The following ZC3H12B variants were observed in gnomAD, a reference collection of about 807,000 sequenced individuals.
ZC3H12B encodes zinc finger CCCH-type containing 12B, also known as probable ribonuclease ZC3H12B.
Under a neutral mutation model 43.9 loss-of-function variants are expected in ZC3H12B, and 7 were observed. The observed-to-expected ratio is 0.16, with a 90% CI of 0.09 to 0.30. ZC3H12B has a LOEUF of 0.30. ZC3H12B is among the 10% of genes least tolerant of loss of function. ZC3H12B has a pLI of 1.00. For synonymous variants in ZC3H12B, 222 were observed against 241.7 expected (o/e 0.92, Z 0.76); for missense variants, 475 against 670.2 (o/e 0.71, Z 3.22).
chrX:65,195,852 T>A, the ZC3H12B span, among the ~76,000 whole-genome samples: 36 of 112,597 alleles, frequency 3.2e-4, no homozygotes, highest in Non-Finnish European at 5.6e-4. Context: ...AGAAGTTTAT[T>A]GCCCCCAAAT....
chrX:65,219,809 TACACAC>T, the ZC3H12B span, among the ~76,000 whole-genome samples: 196 of 76,697 alleles, frequency 2.6e-3, no homozygotes, highest in Middle Eastern at 8.2e-3. Flanking sequence ...TACACACACA[TACACAC>T]ACACACACAC....
chrX:65,073,114 G>A, the ZC3H12B span, among the ~76,000 whole-genome samples: 315 of 112,412 alleles, frequency 2.8e-3, 3 homozygotes, highest in Middle Eastern at 0.014. Context: ...GATTCTGACT[G>A]CAATGGTATG....
chrX:65,154,416 T>C, the ZC3H12B span, among the ~76,000 whole-genome samples: 1 of 111,832 alleles, frequency 8.9e-6, no homozygotes, highest in Non-Finnish European at 1.9e-5. Flanking sequence ...GTTTAGGCAT[T>C]AATTTTCCCC....
At chrX:65,342,961 C>T in the ZC3H12B span, among the ~76,000 whole-genome samples, 1 of 110,298 alleles carries the variant, frequency 9.1e-6, no homozygotes, top group South Asian at 3.8e-4. Context: ...CAAATGAATA[C>T]AATTAGAAAC....
the ZC3H12B span, among the ~76,000 whole-genome samples, chrX:65,295,974 A>G: frequency 8.9e-6 from 1 of 111,941 alleles, no homozygotes; most frequent in African/African-American, 3.2e-5. Context: ...AACTAAAAGT[A>G]CATCTATTGT....
chrX:65,232,063 G>A, the ZC3H12B span, among the ~76,000 whole-genome samples: 5 of 100,078 alleles, frequency 5.0e-5, no homozygotes, highest in East Asian at 2.9e-4. Flanking sequence ...GTGAAACCCC[G>A]TCTCTACTAA....
the ZC3H12B span, among the ~76,000 whole-genome samples, chrX:65,242,451 A>G: frequency 5.4e-5 from 6 of 112,042 alleles, no homozygotes; most frequent in Admixed American, 1.9e-4. Context: ...AGAGATCTCT[A>G]TAATGAAAAG....
the ZC3H12B span, chrX:65,272,747 A>G: frequency 2.8e-3 from 310 of 112,099 alleles, 3 homozygotes; most frequent in African/African-American, 9.6e-3. Flanking sequence ...AGAGGTATAG[A>G]ATCCTACTGC....
chrX:65,232,424 A>C, the ZC3H12B span, among the ~76,000 whole-genome samples: 1 of 110,929 alleles, frequency 9.0e-6, no homozygotes, highest in African/African-American at 3.3e-5. Context: ...ATGAAAAAAG[A>C]ACAAAAAGTC....
intron 3 of ZC3H12B, among the ~76,000 whole-genome samples, chrX:65,428,803 G>T (rs891948950): frequency 3.6e-5 from 4 of 112,378 alleles, no homozygotes; most frequent in African/African-American, 1.3e-4. Context: ...TCCTGGAGAG[G>T]TCATTTGGAG....
At chrX:65,229,223 A>G in the ZC3H12B span, among the ~76,000 whole-genome samples, 1 of 111,094 alleles carries the variant, frequency 9.0e-6, no homozygotes, top group African/African-American at 3.3e-5. Flanking sequence ...CCTCAGAAAT[A>G]ACACCTCATA....
At chrX:65,499,202 C>T in exon 3 of ZC3H12B, 1 of 1,208,272 alleles carries the variant, frequency 8.3e-7, no homozygotes, top group Non-Finnish European at 1.1e-6. Flanking sequence ...TATAGAGGAG[C>T]GGTTGCTGAT....
the ZC3H12B span, among the ~76,000 whole-genome samples, chrX:65,189,772 C>T: frequency 9.0e-6 from 1 of 111,014 alleles, no homozygotes; most frequent in East Asian, 2.8e-4. Context: ...ATGGTAGTTG[C>T]TTTTGCTATG....
intron 2 of ZC3H12B, among the ~76,000 whole-genome samples, chrX:65,389,721 C>T (rs912238200): frequency 2.7e-5 from 3 of 112,474 alleles, no homozygotes; most frequent in African/African-American, 6.5e-5. Flanking sequence ...TCTTCTGCGT[C>T]GCTCATGCTG....
At chrX:65,245,525 G>T in the ZC3H12B span, among the ~76,000 whole-genome samples, 1 of 112,053 alleles carries the variant, frequency 8.9e-6, no homozygotes, top group African/African-American at 3.2e-5. Flanking sequence ...TGGAAGGCAA[G>T]GTTGGGTCTA....
intron 3 of ZC3H12B, among the ~76,000 whole-genome samples, chrX:65,455,875 C>T (rs1386390838): frequency 1.8e-5 from 2 of 111,575 alleles, no homozygotes; most frequent in East Asian, 5.6e-4. Context: ...TCCAGCCAAA[C>T]TAAGCTTCAT....
At chrX:65,161,499 C>A in the ZC3H12B span, among the ~76,000 whole-genome samples, 111 of 111,762 alleles carry the variant, frequency 9.9e-4, no homozygotes, top group Non-Finnish European at 1.7e-3. Flanking sequence ...TTGAATTGAT[C>A]CCTTTACCAT....
At chrX:65,386,093 G>T (rs1032531904) in intron 2 of ZC3H12B, among the ~76,000 whole-genome samples, 1 of 111,875 alleles carries the variant, frequency 8.9e-6, no homozygotes, top group African/African-American at 3.3e-5. Context: ...CAGGGGTATT[G>T]GTCTAAAATT....
chrX:65,483,867 C>T (rs2068093050), upstream of ZC3H12B, among the ~76,000 whole-genome samples: 1 of 111,580 alleles, frequency 9.0e-6, no homozygotes. Context: ...GTTTTCTGTT[C>T]CTATGTTAGT....
Sources: gnomAD v4.1 joint callset for allele counts (sites outside exome capture counted in the v4.1 genomes callset) on GRCh38, gnomAD v4.1.1 for gene constraint, MANE v1.5 for transcripts, NCBI Gene and HGNC (gene_info 2026-07-23, HGNC 2026-07-21) for gene names.